The following C10orf88 variants were observed in gnomAD, a reference collection of about 807,000 sequenced individuals.
C10orf88 encodes the protein ATPase PAAT.
In C10orf88, 29 loss-of-function variants were observed where a neutral mutation model predicts 34.2. That is an observed-to-expected ratio of 0.85 (90% CI 0.63 to 1.16). The LOEUF (loss-of-function observed/expected upper bound fraction) is 1.16, where lower values mean the gene tolerates loss of function less well. Among genes scored for constraint, C10orf88 ranks in the 50% most tolerant of loss-of-function variants. The probability of loss-of-function intolerance (pLI) is 0.00; values close to 1 mark genes in which losing one functional copy is unlikely to be tolerated. For synonymous variants in C10orf88, 194 were observed against 197.4 expected (o/e 0.98, Z 0.15); for missense variants, 507 against 533.2 (o/e 0.95, Z 0.48).
chr10:122,945,217 T>C (rs1387071165), intron 4 of C10orf88, among the ~76,000 whole-genome samples: 1 of 152,072 alleles, frequency 6.6e-6, no homozygotes, highest in Non-Finnish European at 1.5e-5. Flanking sequence ...AGTGGTATCA[T>C]AGTAACACAT....
intron 4 of C10orf88, among the ~76,000 whole-genome samples, chr10:122,948,340 T>C (rs1217899100): frequency 1.3e-5 from 2 of 152,152 alleles, no homozygotes. Flanking sequence ...TGCTCCAGAA[T>C]GTAAAAATTC....
chr10:122,939,582 T>C (rs189665416), intron 4 of C10orf88, among the ~76,000 whole-genome samples: 1 of 152,034 alleles, frequency 6.6e-6, no homozygotes, highest in Non-Finnish European at 1.5e-5. Context: ...TTTTATAAAA[T>C]GCAAGTTTTG....
chr10:122,933,558 T>G (rs1322483550), intron 5 of C10orf88: 1 of 152,222 alleles, frequency 6.6e-6, no homozygotes, highest in Non-Finnish European at 1.5e-5. Flanking sequence ...AGTATGTTTA[T>G]ACTAAGATGT....
In C10orf88 at chr10:122,945,962, T is replaced by A. The variant is rs562216994; in HGVS notation, c.648+2687A>T. Among the ~76,000 whole-genome samples the A allele has an allele frequency of 9.9e-5, 15 of 152,086 alleles. No individual in the cohort carries two copies. In the South Asian group the frequency reaches 3.1e-3, roughly 32 times the overall value. On this transcript the variant is annotated intron_variant, in intron 4 of 5. Coordinates refer to ENST00000481909, the MANE Select transcript of C10orf88 (RefSeq NM_024942.4). Reference sequence around the variant, plus strand: ...AAATAAAAAAATTAGTCTGGTGTGGTGGCATGCGCCTGTAATCCAGCTACT... The same window carrying A: ...AAATAAAAAAATTAGTCTGGTGTGGAGGCATGCGCCTGTAATCCAGCTACT...
chr10:122,932,349 T>C lies in C10orf88; in HGVS notation c.*78A>G, dbSNP rs1311853446. 17 of 1,236,174 alleles carry C rather than the reference T, an allele frequency of 1.4e-5. No homozygotes were observed. In the South Asian group the frequency reaches 2.0e-4, roughly 14 times the overall value. The allele number at this position is 1,236,174 out of a possible 1,614,324, so 76.6% of individuals were successfully genotyped here. A position where few individuals can be genotyped will look rare whatever the true frequency, so the allele number is the denominator to read the frequency against. On this transcript the variant is annotated 3_prime_UTR_variant, in exon 6 of 6. Coordinates refer to ENST00000481909, the MANE Select transcript of C10orf88 (RefSeq NM_024942.4). ...CCTCAAAGGACATTAAATACTTGCTTTTTATAAATATTTTTGGGTTTTGGC... is the reference window on the plus strand; with the variant it reads ...CCTCAAAGGACATTAAATACTTGCTCTTTATAAATATTTTTGGGTTTTGGC...
chr10:122,950,578 A>T (rs1848681145), intron 3 of C10orf88, among the ~76,000 whole-genome samples: 1 of 152,036 alleles, frequency 6.6e-6, no homozygotes, highest in South Asian at 2.1e-4. Context: ...CTACCTCTCA[A>T]CCTCTCTATT....
chr10:122,934,464 T>C (rs918316771), intron 5 of C10orf88, among the ~76,000 whole-genome samples: 1 of 152,158 alleles, frequency 6.6e-6, no homozygotes, highest in African/African-American at 2.4e-5. Flanking sequence ...TGAGATTCTC[T>C]TTTGTCACTC....
intron 4 of C10orf88, among the ~76,000 whole-genome samples, chr10:122,947,328 C>A (rs1848649287): frequency 6.6e-6 from 1 of 152,124 alleles, no homozygotes; most frequent in Admixed American, 6.5e-5. Context: ...TCTTTACTTG[C>A]ATTACTTATT....
At chr10:122,935,847 G>GTTTATAAAT (rs1209569783) in intron 5 of C10orf88, among the ~76,000 whole-genome samples, 1 of 150,976 alleles carries the variant, frequency 6.6e-6, no homozygotes, top group Non-Finnish European at 1.5e-5. Flanking sequence ...ATTTTGTTAG[G>GTTTATAAAT]TTTATAAATT....
At chr10:122,953,916 C>T (rs967004237) in intron 1 of C10orf88, 99 bp downstream of exon 1, 1 of 1,295,506 alleles carries the variant, frequency 7.7e-7, no homozygotes, top group East Asian at 3.2e-5. Flanking sequence ...ACTGCTCTCC[C>T]GGATCCCGGG....
chr10:122,935,183 G>A (rs906951867), intron 5 of C10orf88, among the ~76,000 whole-genome samples: 1 of 151,934 alleles, frequency 6.6e-6, no homozygotes, highest in African/African-American at 2.4e-5. Flanking sequence ...CAATAAATCA[G>A]TTTTTTATTT....
At chr10:122,947,849 C>CA (rs1848653641) in intron 4 of C10orf88, among the ~76,000 whole-genome samples, 1 of 152,174 alleles carries the variant, frequency 6.6e-6, no homozygotes, top group African/African-American at 2.4e-5. Flanking sequence ...AGTTAGCTGT[C>CA]AAGTCCCAAT....
intron 4 of C10orf88, among the ~76,000 whole-genome samples, chr10:122,941,225 A>G (rs74159926): frequency 0.012 from 1,763 of 152,238 alleles, 32 homozygotes; most frequent in African/African-American, 0.04. Context: ...CATATGCTAC[A>G]CCCTTTGATA....
In C10orf88 at chr10:122,938,028, T is replaced by C; in HGVS notation, c.780A>G (p.Arg260=). 1 of 1,613,390 alleles carries C rather than the reference T, an allele frequency of 6.2e-7. No homozygotes were observed. The highest frequency in any genetic ancestry group is 8.5e-7 in the Non-Finnish European group (1 of 1,179,514). The change falls in exon 5 of 6, where the codon AGA becomes AGG. Residue 260 remains arginine (R), a synonymous_variant. Coordinates refer to ENST00000481909, the MANE Select transcript of C10orf88 (RefSeq NM_024942.4). ...TCACGTTCCCAGATGTCAATCCAGT[T>C]CTAAAAGGAAAAGGTGTGGAGGACG... is the stretch of plus-strand genomic sequence containing the variant. The part of the protein sequence containing the change: ...NKSSSTPFPF[R]TGLTSGNVTE...
intron 5 of C10orf88, among the ~76,000 whole-genome samples, chr10:122,935,605 T>C (rs1848527867): frequency 2.0e-5 from 3 of 151,980 alleles, no homozygotes; most frequent in African/African-American, 4.8e-5. Context: ...ATTTTTCCAT[T>C]TTAAAAAATT....
chr10:122,938,741 C>T (rs1848557353), intron 4 of C10orf88, among the ~76,000 whole-genome samples: 1 of 152,016 alleles, frequency 6.6e-6, no homozygotes, highest in Non-Finnish European at 1.5e-5. Context: ...TTAGCTACTT[C>T]TGGCTGTGTT....
At chr10:122,943,958 T>A (rs895824988) in intron 4 of C10orf88, among the ~76,000 whole-genome samples, 5 of 151,796 alleles carry the variant, frequency 3.3e-5, no homozygotes, top group African/African-American at 1.2e-4. Flanking sequence ...ATTGTGGAAG[T>A]CAGTGTGGCG....
intron 4 of C10orf88, among the ~76,000 whole-genome samples, chr10:122,947,516 A>G (rs1347606814): frequency 6.6e-6 from 1 of 152,176 alleles, no homozygotes; most frequent in Non-Finnish European, 1.5e-5. Context: ...TTGCTACTCT[A>G]TCACACTGCT....
At chr10:122,950,048 C>T (rs1402004863) in intron 3 of C10orf88, among the ~76,000 whole-genome samples, 4 of 152,104 alleles carry the variant, frequency 2.6e-5, no homozygotes, top group Non-Finnish European at 2.9e-5. Context: ...ATTTCTGAAA[C>T]GAGACATTTC....
Sources: allele counts gnomAD v4.1 joint callset (sites outside exome capture counted in the v4.1 genomes callset), GRCh38; gene constraint gnomAD v4.1.1; transcripts MANE v1.5; gene names NCBI Gene and HGNC (gene_info 2026-07-23, HGNC 2026-07-21).